UBE3B: variants seen among roughly 807,000 people sequenced by gnomAD.
UBE3B encodes ubiquitin-protein ligase E3B.
In UBE3B, 80 loss-of-function variants were observed where a neutral mutation model predicts 132.3. That is an observed-to-expected ratio of 0.60 (90% CI 0.50 to 0.73). UBE3B has a LOEUF of 0.73. UBE3B is among the 30% of genes least tolerant of loss of function. The pLI is 0.00. For synonymous variants in UBE3B, 487 were observed against 520.4 expected (o/e 0.94, Z 0.87); for missense variants, 1,196 against 1,362.5 (o/e 0.88, Z 1.92).
chr12:109,515,491 T>C (rs1880925793), intron 18 of UBE3B, among the ~76,000 whole-genome samples: 1 of 152,078 alleles, frequency 6.6e-6, no homozygotes, highest in Non-Finnish European at 1.5e-5. Flanking sequence ...TGCCTCAGCC[T>C]CCCGAGTAGC....
chr12:109,528,478 T>C, intron 24 of UBE3B: 1 of 985,404 alleles, frequency 1.0e-6, no homozygotes, highest in Non-Finnish European at 1.2e-6. Context: ...GCTTTAGCAT[T>C]GTAAAACATT....
At chr12:109,532,997 G>C (rs1356398161) in intron 26 of UBE3B, among the ~76,000 whole-genome samples, 1 of 152,196 alleles carries the variant, frequency 6.6e-6, no homozygotes, top group Non-Finnish European at 1.5e-5. Context: ...GGGTCTCCCG[G>C]GCTCCCTCTG....
chr12:109,497,514 C>T (rs566884845), intron 9 of UBE3B, among the ~76,000 whole-genome samples: 1 of 152,018 alleles, frequency 6.6e-6, no homozygotes, highest in Admixed American at 6.6e-5. Context: ...TCACAAACTC[C>T]TTCCTCTTCC....
chr12:109,526,575 A>G, intron 24 of UBE3B, 159 bp downstream of exon 24: 1 of 796,550 alleles, frequency 1.3e-6, no homozygotes, highest in Non-Finnish European at 2.0e-6. Flanking sequence ...CCAGAATTGT[A>G]TTAAATTCAA....
chr12:109,545,156 C>T, the UBE3B span, among the ~76,000 whole-genome samples: 7 of 152,252 alleles, frequency 4.6e-5, no homozygotes, highest in African/African-American at 1.7e-4. Context: ...GACCTGCTCC[C>T]ATCCCACTAG....
chr12:109,526,613 C>G (rs1376401648), intron 24 of UBE3B, among the ~76,000 whole-genome samples, 197 bp downstream of exon 24: 1 of 152,192 alleles, frequency 6.6e-6, no homozygotes, highest in East Asian at 1.9e-4. Flanking sequence ...TGGCTCATGC[C>G]TATAATCCCA....
chr12:109,484,573 G>C (rs1876064954), intron 4 of UBE3B, among the ~76,000 whole-genome samples: 1 of 152,122 alleles, frequency 6.6e-6, no homozygotes, highest in Admixed American at 6.5e-5. Context: ...TGTATTTTTA[G>C]TAGAGATGGG....
chr12:109,544,548 T>A, the UBE3B span, among the ~76,000 whole-genome samples: 5 of 152,048 alleles, frequency 3.3e-5, no homozygotes, highest in Non-Finnish European at 7.4e-5. Context: ...TAACTGACAA[T>A]CTTGGGTAAG....
chr12:109,529,742 C>T, intron 24 of UBE3B, 148 bp from the exon 25 acceptor site: 1 of 891,852 alleles, frequency 1.1e-6, no homozygotes. Context: ...TCATTGTCGC[C>T]ATTGTCATTG....
At chr12:109,533,663 A>G (rs1883179770) in intron 27 of UBE3B, 105 bp downstream of exon 27, 1 of 1,171,404 alleles carries the variant, frequency 8.5e-7, no homozygotes. Flanking sequence ...TCAGCAAGGC[A>G]GGCAGCTGGA....
chr12:109,526,385 G>T lies in UBE3B; in HGVS notation c.2596G>T (p.Gly866Trp). 6.2e-7 allele frequency: 1 copy of T among 1,614,128 alleles called. No individual in the cohort carries two copies. The highest frequency in any genetic ancestry group is 8.5e-7 in the Non-Finnish European group (1 of 1,180,032). ...QLVCHELIPG[G>W]KTIPVTNENK... ...TGTTTGCCATGAACTGATTCCTGGA[G>T]GGAAGACCATTCCTGTTACAAATGA... The change falls in exon 24 of 28, where the codon GGG becomes TGG. Residue 866 changes from glycine (G) to tryptophan (W), a missense_variant. By Grantham distance (184) the Gly-to-Trp change is radical (BLOSUM62 -2). Coordinates refer to ENST00000342494, the MANE Select transcript of UBE3B (RefSeq NM_130466.4).
At chr12:109,480,379 G>A (rs1296706949) in intron 1 of UBE3B, among the ~76,000 whole-genome samples, 1 of 152,096 alleles carries the variant, frequency 6.6e-6, no homozygotes, top group Non-Finnish European at 1.5e-5. Flanking sequence ...CCAGTGTGGT[G>A]GCTCATACCT....
chr12:109,510,368 A>AGCT lies in UBE3B; in HGVS notation c.1768_1770dup (p.Leu590dup). ...GAGAACGCCAAGGGTGAGACCTTGGAGCTGTTCCAGTCTGTCCACGGGTGG... is the reference window on the plus strand; with the variant it reads ...GAGAACGCCAAGGGTGAGACCTTGGAGCTGCTGTTCCAGTCTGTCCACGGGTGG... On this transcript the variant is annotated inframe_insertion, in exon 17 of 28. Coordinates refer to ENST00000342494, the MANE Select transcript of UBE3B (RefSeq NM_130466.4). 1 of 1,610,720 alleles carries AGCT rather than the reference A, an allele frequency of 6.2e-7. No individual in the cohort carries two copies.
At position 109,534,126 on chromosome 12, in the gene UBE3B, A is replaced by C; in HGVS notation, c.3016-465A>C. ...TGGGTGTAGCTGCCTCTCATGATGCAGTTTGAGCCCGTGATGCCACCTTGT... is the reference window on the plus strand; with the variant it reads ...TGGGTGTAGCTGCCTCTCATGATGCCGTTTGAGCCCGTGATGCCACCTTGT... On this transcript the variant is annotated intron_variant, in intron 27 of 27. Transcript: ENST00000342494. This position sits in a 1 kb window ranked among gnomAD's most constrained non-coding sequence, Gnocchi z 5.2. The C allele has an allele frequency of 7.7e-7, 1 of 1,294,082 alleles. No individual in the cohort carries two copies. The highest frequency in any genetic ancestry group is 1.2e-5 in the South Asian group (1 of 80,798). 80.2% of individuals were successfully genotyped at this position (1,294,082 alleles called of 1,614,324 possible). A position where few individuals can be genotyped will look rare whatever the true frequency, so the allele number is the denominator to read the frequency against.
Position 109,483,730 on chromosome 12 carries a change from C to T in UBE3B, c.161+18C>T, listed in dbSNP as rs765294910. 9.5e-6 allele frequency: 15 copies of T among 1,579,946 alleles called. No individual in the cohort carries two copies. In the Admixed American group the frequency reaches 2.8e-4, roughly 29 times the overall value. On this transcript the variant is annotated intron_variant, in intron 3 of 27. Coordinates refer to ENST00000342494, the MANE Select transcript of UBE3B (RefSeq NM_130466.4). ...GATATCAGGTAAGGGCTAGGATCTC[C>T]CTAGCACATGATTCTCTGGCTCCCA...
intron 26 of UBE3B, 121 bp downstream of exon 26, chr12:109,530,779 A>G (rs1882856603): frequency 2.1e-6 from 2 of 967,230 alleles, no homozygotes; most frequent in East Asian, 2.7e-5. Flanking sequence ...TAGTCAGCAC[A>G]TCCTCTCCCA....
chr12:109,526,149 G>C (rs1045051326), intron 23 of UBE3B, among the ~76,000 whole-genome samples: 1 of 151,994 alleles, frequency 6.6e-6, no homozygotes, highest in Non-Finnish European at 1.5e-5. Context: ...ACAAGGATTG[G>C]GTGAGAAAAA....
intron 15 of UBE3B, chr12:109,508,972 C>G (rs967506437): frequency 6.4e-6 from 1 of 156,120 alleles, no homozygotes; most frequent in Non-Finnish European, 1.4e-5. Context: ...ATAAGGAAGG[C>G]GTGAATTGAG....
intron 18 of UBE3B, among the ~76,000 whole-genome samples, chr12:109,514,974 C>T (rs143131356): frequency 0.013 from 1,985 of 150,054 alleles, 43 homozygotes; most frequent in African/African-American, 0.047. Context: ...AGTGCAGTGG[C>T]GCGATCTCAG....
Sources: allele counts gnomAD v4.1 joint callset (sites outside exome capture counted in the v4.1 genomes callset), GRCh38; gene constraint gnomAD v4.1.1; non-coding constraint Gnocchi (gnomAD v3.1); transcripts MANE v1.5; gene names NCBI Gene and HGNC (gene_info 2026-07-23, HGNC 2026-07-21).